Variants in GPR137C observed in about 807,000 individuals in gnomAD.
The protein encoded by GPR137C is integral membrane protein GPR137C.
GPR137C carries 27 observed loss-of-function variants against 43.4 expected under a neutral mutation model. The observed-to-expected ratio is 0.62, with a 90% CI of 0.46 to 0.86. GPR137C has a LOEUF of 0.86. Among genes scored for constraint, GPR137C ranks in the 40% least tolerant of loss-of-function variants. The probability of loss-of-function intolerance (pLI) is 0.00; values close to 1 mark genes in which losing one functional copy is unlikely to be tolerated. For synonymous variants in GPR137C, 285 were observed against 226.9 expected (o/e 1.26, Z -2.30); for missense variants, 522 against 534.6 (o/e 0.98, Z 0.23).
At chr14:52,597,675 G>A (rs962758981) in intron 1 of GPR137C, among the ~76,000 whole-genome samples, 15 of 152,038 alleles carry the variant, frequency 9.9e-5, no homozygotes, top group African/African-American at 2.9e-4. Context: ...TACTATGTTC[G>A]CAGAATATAC....
At chr14:52,582,471 A>G (rs906452981) in intron 1 of GPR137C, among the ~76,000 whole-genome samples, 1 of 152,230 alleles carries the variant, frequency 6.6e-6, no homozygotes, top group African/African-American at 2.4e-5. Context: ...TTGAAGCACT[A>G]AAGGAGACAT....
At chr14:52,569,799 G>T (rs1162511159) in intron 1 of GPR137C, among the ~76,000 whole-genome samples, 1 of 152,070 alleles carries the variant, frequency 6.6e-6, no homozygotes, top group Non-Finnish European at 1.5e-5. Context: ...ATGTGAAAAA[G>T]ACCAAACTTA....
chr14:52,626,580 T>C (rs915097307), intron 3 of GPR137C, among the ~76,000 whole-genome samples: 22 of 152,060 alleles, frequency 1.4e-4, no homozygotes, highest in African/African-American at 4.8e-4. Context: ...CCCCCTAAGA[T>C]TGGAAACAAA....
intron 1 of GPR137C, among the ~76,000 whole-genome samples, chr14:52,590,558 T>G (rs1259042092): frequency 6.6e-6 from 1 of 152,184 alleles, no homozygotes; most frequent in African/African-American, 2.4e-5. Context: ...GTAAGCTGCA[T>G]TCATATTAAG....
chr14:52,633,699 A>G, intron 5 of GPR137C, 44 bp downstream of exon 5: 1 of 1,596,008 alleles, frequency 6.3e-7, no homozygotes, highest in South Asian at 1.1e-5. Flanking sequence ...TATTTTTAAA[A>G]ATTATGGAAC....
chr14:52,591,152 G>C (rs1351670500), intron 1 of GPR137C, among the ~76,000 whole-genome samples: 1 of 152,080 alleles, frequency 6.6e-6, no homozygotes, highest in African/African-American at 2.4e-5. Context: ...CCCTGCAAAG[G>C]ACAGGAACTC....
At position 52,636,482 on chromosome 14, in the gene GPR137C, A is replaced by G. The variant is rs1166686721; in HGVS notation, c.*1367A>G. 1.3e-5 allele frequency: 2 copies of G among 152,192 alleles called. No individual in the cohort carries two copies. The allele number at this position is 152,192 out of a possible 1,614,324, so 9.4% of individuals were successfully genotyped here. A position where few individuals can be genotyped will look rare whatever the true frequency, so the allele number is the denominator to read the frequency against. ...ACAACATGCTCAAAGACAAACTACAATTGTCTGCTAGCTATTTCTTCAGAA... is the reference window on the plus strand; with the variant it reads ...ACAACATGCTCAAAGACAAACTACAGTTGTCTGCTAGCTATTTCTTCAGAA... On this transcript the variant is annotated 3_prime_UTR_variant, in exon 7 of 7. Coordinates refer to ENST00000321662, the MANE Select transcript of GPR137C (RefSeq NM_001099652.2).
rs1293061565 is a variant in GPR137C, at chr14:52,590,603, T to C, written c.445-7669T>C. Among the ~76,000 whole-genome samples the C allele has an allele frequency of 2.6e-5, 4 of 152,186 alleles. No individual in the cohort carries two copies. The East Asian group carries it at 7.7e-4, about 29-fold the overall frequency. On this transcript the variant is annotated intron_variant, in intron 1 of 6. Transcript: ENST00000321662. Reference sequence around the variant, plus strand: ...CAAGTGCACCATTTTTTATCTTGTATACCACATTTTTACTGTATGTTTTCT... The same window carrying C: ...CAAGTGCACCATTTTTTATCTTGTACACCACATTTTTACTGTATGTTTTCT...
intron 3 of GPR137C, among the ~76,000 whole-genome samples, chr14:52,628,442 G>A (rs910001191): frequency 6.6e-6 from 1 of 151,924 alleles, no homozygotes; most frequent in Non-Finnish European, 1.5e-5. Context: ...TTCTTAGAGG[G>A]GCAATAAAAA....
chr14:52,583,719 A>G (rs894857087), intron 1 of GPR137C, among the ~76,000 whole-genome samples: 1 of 152,136 alleles, frequency 6.6e-6, no homozygotes, highest in African/African-American at 2.4e-5. Context: ...TTAGATCATC[A>G]TTGGCTGTAA....
chr14:52,622,574 C>T (rs1296180051), intron 3 of GPR137C, among the ~76,000 whole-genome samples: 17 of 151,924 alleles, frequency 1.1e-4, no homozygotes, highest in Admixed American at 1.1e-3. Context: ...AAGTGATACA[C>T]TCATTTTATT....
At chr14:52,611,565 T>C (rs2039039495) in intron 3 of GPR137C, 1 of 393,152 alleles carries the variant, frequency 2.5e-6, no homozygotes, top group East Asian at 1.6e-4. Context: ...TTTTCATTGT[T>C]ATATTATTTA....
intron 3 of GPR137C, among the ~76,000 whole-genome samples, chr14:52,625,806 G>T (rs142563605): frequency 6.6e-6 from 1 of 151,506 alleles, no homozygotes; most frequent in Non-Finnish European, 1.5e-5. Flanking sequence ...CACCTACCTC[G>T]GCCTCCCAAA....
intron 3 of GPR137C, among the ~76,000 whole-genome samples, chr14:52,614,842 A>G (rs1295251627): frequency 6.6e-6 from 1 of 152,082 alleles, no homozygotes; most frequent in Non-Finnish European, 1.5e-5. Flanking sequence ...TGAGTTCCTC[A>G]TATATTCTGG....
chr14:52,572,216 A>T (rs1054873360), intron 1 of GPR137C, among the ~76,000 whole-genome samples: 8 of 152,226 alleles, frequency 5.3e-5, no homozygotes, highest in Non-Finnish European at 1.0e-4. Flanking sequence ...CAATCAATAG[A>T]AAAAGAGGGA....
At chr14:52,611,284 T>C (rs190716207) in intron 3 of GPR137C, among the ~76,000 whole-genome samples, 25 of 152,104 alleles carry the variant, frequency 1.6e-4, no homozygotes, top group African/African-American at 5.8e-4. Flanking sequence ...GGGAATTTAT[T>C]CTTTATATCT....
At chr14:52,575,005 C>G (rs2038529419) in intron 1 of GPR137C, among the ~76,000 whole-genome samples, 1 of 152,064 alleles carries the variant, frequency 6.6e-6, no homozygotes, top group African/African-American at 2.4e-5. Context: ...AATCAGTTTT[C>G]TAGGGAGTCT....
intron 3 of GPR137C, among the ~76,000 whole-genome samples, chr14:52,623,122 C>A (rs1228956180): frequency 6.6e-6 from 1 of 152,124 alleles, no homozygotes; most frequent in Non-Finnish European, 1.5e-5. Flanking sequence ...AGAATATTTT[C>A]TTGGATGATT....
intron 1 of GPR137C, among the ~76,000 whole-genome samples, chr14:52,579,180 G>A (rs1185209572): frequency 6.6e-6 from 1 of 152,170 alleles, no homozygotes; most frequent in African/African-American, 2.4e-5. Context: ...GAGGGTTGGG[G>A]TGGGGGAGAA....
Sources: gnomAD v4.1 joint callset for allele counts (sites outside exome capture counted in the v4.1 genomes callset) on GRCh38, gnomAD v4.1.1 for gene constraint, MANE v1.5 for transcripts, NCBI Gene and HGNC (gene_info 2026-07-23, HGNC 2026-07-21) for gene names.